The following CYRIB variants were observed in gnomAD, a reference collection of about 807,000 sequenced individuals.
CYRIB encodes the protein CYFIP-related Rac1 interactor B.
In CYRIB, 8 loss-of-function variants were observed where a neutral mutation model predicts 44.2. The ratio of observed to expected loss-of-function variants is 0.18; its 90% CI spans 0.11 to 0.33. The LOEUF is 0.33. Among genes scored for constraint, CYRIB ranks in the 10% least tolerant of loss-of-function variants. The pLI is 1.00. For synonymous variants in CYRIB, 131 were observed against 127.2 expected (o/e 1.03, Z -0.20); for missense variants, 185 against 382.8 (o/e 0.48, Z 4.31).
intron 2 of CYRIB, among the ~76,000 whole-genome samples, chr8:129,888,169 T>C (rs1255660007): frequency 6.6e-6 from 1 of 152,160 alleles, no homozygotes; most frequent in African/African-American, 2.4e-5. Flanking sequence ...TTGCTGCTGT[T>C]GTGATAGTGA....
chr8:129,972,228 G>A (rs1304920409), intron 1 of CYRIB, among the ~76,000 whole-genome samples: 3 of 152,138 alleles, frequency 2.0e-5, no homozygotes, highest in Admixed American at 6.6e-5. Context: ...CGTTCTTCTT[G>A]CTATGGCATG....
chr8:129,954,343 C>T (rs1470081548), intron 2 of CYRIB, among the ~76,000 whole-genome samples: 1 of 152,150 alleles, frequency 6.6e-6, no homozygotes, highest in Non-Finnish European at 1.5e-5. Context: ...CTGCCTCAGC[C>T]TCCCGAATAG....
intron 1 of CYRIB, among the ~76,000 whole-genome samples, chr8:130,001,210 T>C (rs1433902687): frequency 6.6e-6 from 1 of 152,152 alleles, no homozygotes; most frequent in Non-Finnish European, 1.5e-5. Context: ...TCCATCCTTT[T>C]CTTCTGCCCC....
intron 1 of CYRIB, among the ~76,000 whole-genome samples, chr8:129,931,355 C>T (rs1038132292): frequency 6.6e-6 from 1 of 152,200 alleles, no homozygotes; most frequent in African/African-American, 2.4e-5. Context: ...AAACTAATCT[C>T]ACACCTTGCA....
chr8:129,849,382 T>C lies in CYRIB; in HGVS notation c.714-13A>G, dbSNP rs570939136. The C allele has an allele frequency of 3.1e-6, 5 of 1,598,040 alleles. No individual in the cohort carries two copies. Among genetic ancestry groups the C allele is most frequent in the Admixed American group, 1.8e-5 (1 of 55,090 alleles). ...GCTTCTGTATTCCCTGAAGAGTAGA[T>C]AAGATATGCATGGAAGAAGTGCATT... On this transcript the variant is annotated splice_polypyrimidine_tract_variant and intron_variant, in intron 9 of 11. Transcript: ENST00000519824.
chr8:129,851,535 G>A (rs149210634), intron 8 of CYRIB: 2,651 of 152,556 alleles, frequency 0.017, 91 homozygotes, highest in African/African-American at 0.06. Context: ...ATGGCCAGGC[G>A]CGGTGGCTCA....
chr8:129,938,134 T>C (rs78909227), intron 1 of CYRIB, among the ~76,000 whole-genome samples: 9 of 151,456 alleles, frequency 5.9e-5, no homozygotes, highest in Non-Finnish European at 1.3e-4. Context: ...AAAAAAAAAG[T>C]GCTGTCATTT....
chr8:129,939,149 C>CG (rs2093338396), intron 1 of CYRIB, among the ~76,000 whole-genome samples: 1 of 147,702 alleles, frequency 6.8e-6, no homozygotes, highest in Non-Finnish European at 1.5e-5. Flanking sequence ...AGGCGAAGCC[C>CG]GGGGGATAAG....
At chr8:129,899,106 T>A (rs1364507415) in intron 2 of CYRIB, among the ~76,000 whole-genome samples, 2 of 152,188 alleles carry the variant, frequency 1.3e-5, no homozygotes, top group Non-Finnish European at 2.9e-5. Context: ...CCTCAGGTGA[T>A]CTACCTGCCT....
exon 12 of CYRIB, chr8:129,842,081 G>A (rs1586716479): frequency 1.7e-6 from 2 of 1,203,848 alleles, no homozygotes. Context: ...CTAAAAAACT[G>A]CATTCTCAGT....
At chr8:129,850,743 A>AAACATGTTAACATGTTCATATATG in intron 9 of CYRIB, 92 bp downstream of exon 11, 1 of 877,626 alleles carries the variant, frequency 1.1e-6, no homozygotes, top group Non-Finnish European at 1.9e-6. Flanking sequence ...CTTCCAGATA[A>AAACATGTTAACATGTTCATATATG]AACATGTTAA....
chr8:129,849,320 T>G (rs750398748), exon 10 of CYRIB: 76 of 1,613,460 alleles, frequency 4.7e-5, no homozygotes, highest in Non-Finnish European at 4.9e-5. Flanking sequence ...ACCATTACCC[T>G]CAAGCAGAAT....
chr8:129,962,617 T>A (rs1337362696), intron 2 of CYRIB, among the ~76,000 whole-genome samples: 1 of 152,176 alleles, frequency 6.6e-6, no homozygotes, highest in Non-Finnish European at 1.5e-5. Context: ...CTATTTCTTG[T>A]TAAATATTTC....
Position 129,937,755 on chromosome 8 carries a change from A to G in CYRIB, c.-50+1853T>C, listed in dbSNP as rs575772367. On this transcript the variant is annotated intron_variant, in intron 1 of 11. Transcript: ENST00000519824. ...CCTCTACCCAATTATATAATCTAGA[A>G]TTCATACTATATATCCTAGAACATT... 4.6e-5 allele frequency among the ~76,000 whole-genome samples: 7 copies of G among 152,334 alleles called. 1 individual carries two copies. The South Asian group carries it at 1.5e-3, about 32-fold the overall frequency.
intron 1 of CYRIB, among the ~76,000 whole-genome samples, chr8:129,930,636 C>T (rs1017039523): frequency 8.6e-5 from 13 of 151,874 alleles, no homozygotes; most frequent in African/African-American, 3.1e-4. Context: ...GGAACTTTGG[C>T]AACCCATTTC....
At chr8:129,871,609 A>C (rs2057249332) in intron 3 of CYRIB, 113 bp from the exon 6 acceptor site, 2 of 1,064,860 alleles carry the variant, frequency 1.9e-6, no homozygotes, top group African/African-American at 3.3e-5. Context: ...AATTCTAGTT[A>C]ATGTTAACTT....
intron 8 of CYRIB, chr8:129,851,176 G>A (rs967263865): frequency 4.6e-6 from 2 of 432,460 alleles, no homozygotes; most frequent in East Asian, 4.6e-5. Flanking sequence ...TGCAGACAGG[G>A]GGTCAAAGGT....
At chr8:129,877,605 C>T (rs929144123) in intron 3 of CYRIB, among the ~76,000 whole-genome samples, 4 of 148,214 alleles carry the variant, frequency 2.7e-5, no homozygotes, top group South Asian at 2.1e-4. Flanking sequence ...GCTAAGATTG[C>T]GCCACTGCAC....
rs1328420036 is a variant in CYRIB at position 129,962,916 on chromosome 8, T to C, written c.-243+8027A>G. Among the ~76,000 whole-genome samples the C allele has an allele frequency of 2.0e-5, 3 of 152,238 alleles. No homozygotes were observed. In the East Asian group the frequency reaches 5.8e-4, roughly 29 times the overall value. On this transcript the variant is annotated intron_variant, in intron 2 of 14. Transcript: ENST00000401979. ...ATCTTTCCCTCATTCTCAGTCTCTG[T>C]ACCTGAGCAGGTGCAAGCTGCACCC...
Sources: allele counts gnomAD v4.1 joint callset (sites outside exome capture counted in the v4.1 genomes callset), GRCh38; gene constraint gnomAD v4.1.1; transcripts MANE v1.5; gene names NCBI Gene and HGNC (gene_info 2026-07-23, HGNC 2026-07-21).